LRP6: variants seen among roughly 807,000 people sequenced by gnomAD.
The protein encoded by LRP6 is LDL receptor related protein 6, also known as low-density lipoprotein receptor-related protein 6.
A neutral mutation model predicts 184.1 loss-of-function variants in LRP6; 43 were observed. That is an observed-to-expected ratio of 0.23 (90% CI 0.18 to 0.30). LRP6 has a LOEUF of 0.30. Ranked by LOEUF, LRP6 falls within the 10% of genes least tolerant of loss-of-function variation. LRP6 has a pLI of 1.00. For synonymous variants in LRP6, 719 were observed against 684.9 expected (o/e 1.05, Z -0.78); for missense variants, 1,571 against 2,005.3 (o/e 0.78, Z 4.14).
chr12:12,199,747 C>T (rs1349099789), intron 3 of LRP6, among the ~76,000 whole-genome samples: 26 of 151,684 alleles, frequency 1.7e-4, no homozygotes, highest in Non-Finnish European at 2.9e-4. Flanking sequence ...GGGCGGATCA[C>T]GAGGTAAGGA....
chr12:12,175,696 A>AAAAATAAAAT (rs71435896), intron 7 of LRP6, among the ~76,000 whole-genome samples: 31 of 142,392 alleles, frequency 2.2e-4, no homozygotes, highest in African/African-American at 5.9e-4. Flanking sequence ...GTCTCAAATA[A>AAAAATAAAAT]AAAATAAAAT....
chr12:12,125,300 G>A lies in LRP6; in HGVS notation c.4445C>T (p.Pro1482Leu), dbSNP rs779305959. 3.7e-6 allele frequency: 6 copies of A among 1,613,878 alleles called. No individual in the cohort carries two copies. In the Admixed American group the frequency reaches 1.0e-4, roughly 27 times the overall value. ...SSSSTKGTYF[P>L]AILNPPPSPA... ...AAAGGAAAACAGACTACTTACTGCA[G>A]GGAAGTAAGTGCCTTTGGTGCTTGA... The change falls in exon 21 of 23, where the codon CCT (proline) becomes CTT (leucine). Residue 1482 changes from proline to leucine, a missense_variant. Physicochemically the swap from Pro to Leu is moderately conservative, Grantham distance 98 (BLOSUM62 -3). Around this residue, in one of 4 missense-constraint regions of LRP6, gnomAD observed 763 missense variants for 859.5 expected, o/e 0.89. Transcript: ENST00000261349.
intron 2 of LRP6, chr12:12,211,078 G>A (rs1408939327): frequency 6.6e-6 from 1 of 152,224 alleles, no homozygotes; most frequent in African/African-American, 2.4e-5. Flanking sequence ...AGAGGATAGT[G>A]AAAGCATTCA....
At chr12:12,164,756 T>C (rs887560451) in intron 8 of LRP6, among the ~76,000 whole-genome samples, 194 bp from the exon 9 acceptor site, 2 of 151,690 alleles carry the variant, frequency 1.3e-5, no homozygotes, top group Non-Finnish European at 2.9e-5. Flanking sequence ...CATGGTGAAG[T>C]ATTTTCCTTT....
At chr12:12,175,372 G>C (rs575790113) in intron 7 of LRP6, among the ~76,000 whole-genome samples, 6 of 151,982 alleles carry the variant, frequency 3.9e-5, no homozygotes, top group Non-Finnish European at 8.8e-5. Flanking sequence ...CTGGGCGACA[G>C]AGTGAGACCC....
intron 1 of LRP6, among the ~76,000 whole-genome samples, chr12:12,246,731 A>T (rs1865196145): frequency 6.6e-6 from 1 of 152,114 alleles, no homozygotes. Context: ...TTTCATAATT[A>T]CTTACTAAGG....
chr12:12,166,200 C>T (rs1037863380), intron 7 of LRP6, among the ~76,000 whole-genome samples: 26 of 152,018 alleles, frequency 1.7e-4, no homozygotes, highest in Non-Finnish European at 2.8e-4. Flanking sequence ...GCACGCAGGC[C>T]CCTTTAAGTG....
rs114271546 is a variant in LRP6 at position 12,148,913 on chromosome 12, A to G, written c.3206+29T>C. Reference sequence around the variant, plus strand: ...GGGTGAGGAGAGTCTCAGAAGCCACAGTATCTGAACGCCACTTTAGTAACA... The same window carrying G: ...GGGTGAGGAGAGTCTCAGAAGCCACGGTATCTGAACGCCACTTTAGTAACA... On this transcript the variant is annotated intron_variant, in intron 14 of 22. Transcript: ENST00000261349. 536 of 1,533,910 alleles carry G rather than the reference A, an allele frequency of 3.5e-4. 1 individual carries two copies. The African/African-American group carries it at 3.5e-3, about 10-fold the overall frequency.
At chr12:12,187,228 C>A in intron 3 of LRP6, 109 bp from the exon 4 acceptor site, 2 of 849,122 alleles carry the variant, frequency 2.4e-6, no homozygotes, top group Non-Finnish European at 3.9e-6. Context: ...ACATACAAAT[C>A]TTGAGTAATA....
intron 3 of LRP6, among the ~76,000 whole-genome samples, chr12:12,192,728 C>G (rs1863649804): frequency 6.6e-6 from 1 of 151,826 alleles, no homozygotes; most frequent in African/African-American, 2.4e-5. Flanking sequence ...AACAGAGCCC[C>G]AGAACAAATG....
At chr12:12,187,215 A>G (rs1863496958) in intron 3 of LRP6, 96 bp from the exon 4 acceptor site, 2 of 983,926 alleles carry the variant, frequency 2.0e-6, no homozygotes, top group South Asian at 1.4e-5. Context: ...AGTTCACATT[A>G]ACACATACAA....
rs143240557 is a variant in LRP6, at chr12:12,158,914, G to A, written c.2706C>T (p.His902=). The change falls in exon 12 of 23, where the codon CAC becomes CAT. Residue 902 remains histidine, a synonymous_variant. Coordinates refer to ENST00000261349, the MANE Select transcript of LRP6 (RefSeq NM_002336.3). ...CCCCAACTGGCACAGCCAAGCAGAGGTGGGAGCAGTGCCCATTGCTGGAAG... is the reference window on the plus strand; with the variant it reads ...CCCCAACTGGCACAGCCAAGCAGAGATGGGAGCAGTGCCCATTGCTGGAAG... ...ECASSNGHCS[H]LCLAVPVGGF... 1,986 of 1,614,228 alleles carry A rather than the reference G, an allele frequency of 1.2e-3. 3 individuals are homozygous for A. The highest frequency in any genetic ancestry group is 1.5e-3 in the Non-Finnish European group (1,767 of 1,180,032).
At chr12:12,262,455 G>A (rs1002151080) in intron 1 of LRP6, among the ~76,000 whole-genome samples, 1 of 152,052 alleles carries the variant, frequency 6.6e-6, no homozygotes, top group Non-Finnish European at 1.5e-5. Context: ...CTACTCAGGA[G>A]GCTGAGACAG....
At chr12:12,220,310 C>T (rs1864454574) in intron 2 of LRP6, among the ~76,000 whole-genome samples, 1 of 151,854 alleles carries the variant, frequency 6.6e-6, no homozygotes, top group Admixed American at 6.6e-5. Context: ...AAAATTCTTC[C>T]TTCATCCAGT....
chr12:12,218,935 G>C (rs1591958277), intron 2 of LRP6, among the ~76,000 whole-genome samples: 1 of 152,120 alleles, frequency 6.6e-6, no homozygotes, highest in East Asian at 1.9e-4. Flanking sequence ...AAATGGTAGA[G>C]CAAGTTTAAA....
In LRP6 at chr12:12,135,156, A is replaced by G; in HGVS notation, c.3733+19T>C. On this transcript the variant is annotated intron_variant, in intron 17 of 22. Transcript: ENST00000261349. ...ATGTTTGCATTTAGGGTTGCACAAGAAAATTACAACATATTTACCTCCACA... is the reference window on the plus strand; with the variant it reads ...ATGTTTGCATTTAGGGTTGCACAAGGAAATTACAACATATTTACCTCCACA... 13 of 1,613,808 alleles carry G rather than the reference A, an allele frequency of 8.1e-6. No homozygotes were observed. Among genetic ancestry groups the G allele is most frequent in the Non-Finnish European group, 1.1e-5 (13 of 1,179,796 alleles).
At chr12:12,125,192 CA>C in intron 21 of LRP6, 103 bp downstream of exon 21, 5 of 1,415,954 alleles carry the variant, frequency 3.5e-6, no homozygotes, top group Non-Finnish European at 5.0e-6. Flanking sequence ...ATTTTACATT[CA>C]AAAACTACTT....
chr12:12,205,329 CAAAAAAAAAAAA>C (rs56169717), intron 2 of LRP6, among the ~76,000 whole-genome samples: 1,140 of 39,146 alleles, frequency 0.029, 23 homozygotes, highest in East Asian at 0.079. Context: ...CTCAAACAAA[CAAAAAAAAAAAA>C]AAAAAAAAAA....
At chr12:12,256,814 CAG>C (rs1865476975) in intron 1 of LRP6, among the ~76,000 whole-genome samples, 3 of 152,062 alleles carry the variant, frequency 2.0e-5, no homozygotes, top group African/African-American at 7.2e-5. Flanking sequence ...TCAAAAAAAA[CAG>C]ATTTTTTTAA....
Sources: gnomAD v4.1 joint callset for allele counts (sites outside exome capture counted in the v4.1 genomes callset) on GRCh38, gnomAD v4.1.1 for gene constraint, gnomAD v4.1.1 regional missense constraint, MANE v1.5 for transcripts, NCBI Gene and HGNC (gene_info 2026-07-23, HGNC 2026-07-21) for gene names.